DENND5A: variants seen among roughly 807,000 people sequenced by gnomAD.
DENND5A encodes DENN domain-containing protein 5A.
DENND5A carries 64 observed loss-of-function variants against 140.3 expected under a neutral mutation model. The ratio of observed to expected loss-of-function variants is 0.46; its 90% CI spans 0.37 to 0.56. The LOEUF (loss-of-function observed/expected upper bound fraction) is 0.56, where lower values mean the gene tolerates loss of function less well. DENND5A is among the 20% of genes least tolerant of loss of function. The pLI is 0.00. For missense variants in DENND5A, 1,292 were observed against 1,593.8 expected (o/e 0.81, Z 3.22); for synonymous variants, 605 against 607.7 (o/e 1.00, Z 0.07).
At chr11:9,231,998 CA>C (rs1850792478) in intron 1 of DENND5A, among the ~76,000 whole-genome samples, 1 of 151,822 alleles carries the variant, frequency 6.6e-6, no homozygotes, top group Non-Finnish European at 1.5e-5. Context: ...GTTTCTCTTT[CA>C]CTTGCAGAAT....
chr11:9,260,469 C>A (rs1259704949), intron 1 of DENND5A, among the ~76,000 whole-genome samples: 1 of 152,134 alleles, frequency 6.6e-6, no homozygotes, highest in Non-Finnish European at 1.5e-5. Flanking sequence ...CTATCATCTG[C>A]CTCCCCACTT....
chr11:9,177,710 T>C (rs1303981855), intron 8 of DENND5A, among the ~76,000 whole-genome samples: 36 of 102,054 alleles, frequency 3.5e-4, no homozygotes, highest in Admixed American at 3.1e-3. Context: ...GAGGCTTTCA[T>C]TGACATCATT....
intron 1 of DENND5A, among the ~76,000 whole-genome samples, chr11:9,253,501 GTCTATAA>G (rs1228913144): frequency 3.9e-5 from 6 of 152,112 alleles, no homozygotes; most frequent in African/African-American, 1.4e-4. Flanking sequence ...GGTGGTTCAT[GTCTATAA>G]TCCCAGCACT....
rs780752471 is a variant in DENND5A, at chr11:9,170,805, C to CAT, written c.1907-29_1907-28insAT. The stretch of plus-strand genomic sequence containing the variant: ...GGATGAGAATACACACACACACACA[C>CAT]ACACACACACACATAAATACACACA... On this transcript the variant is annotated intron_variant, in intron 8 of 22. Coordinates refer to ENST00000328194, the MANE Select transcript of DENND5A (RefSeq NM_015213.4). The CAT allele has an allele frequency of 1.9e-6, 3 of 1,611,228 alleles. No individual in the cohort carries two copies. The African/African-American group carries it at 4.0e-5, about 22-fold the overall frequency.
At chr11:9,185,776 G>A (rs1358482615) in intron 5 of DENND5A, among the ~76,000 whole-genome samples, 1 of 152,078 alleles carries the variant, frequency 6.6e-6, no homozygotes, top group Non-Finnish European at 1.5e-5. Flanking sequence ...GCGTCTGTGT[G>A]TGTGGCTGTG....
At chr11:9,224,688 G>T (rs1406449273) in intron 1 of DENND5A, among the ~76,000 whole-genome samples, 1 of 151,692 alleles carries the variant, frequency 6.6e-6, no homozygotes. Flanking sequence ...GTGAAAACCC[G>T]TCTTTACTAA....
intron 1 of DENND5A, among the ~76,000 whole-genome samples, chr11:9,221,892 G>C (rs1302397293): frequency 1.3e-5 from 2 of 151,900 alleles, no homozygotes; most frequent in African/African-American, 4.8e-5. Flanking sequence ...CAAATAGCTG[G>C]AACTACAGGT....
At position 9,170,620 on chromosome 11, in the gene DENND5A, G is replaced by A. The variant is rs1433716916; in HGVS notation, c.2057+7C>T. On this transcript the variant is annotated splice_region_variant and intron_variant, in intron 9 of 22. Transcript: ENST00000328194. Reference sequence around the variant, plus strand: ...GTTGGATTAGTGAATCCCTGGGGTTGACTCACTTGTTGCTGGCTGGCCCAG... The same window carrying A: ...GTTGGATTAGTGAATCCCTGGGGTTAACTCACTTGTTGCTGGCTGGCCCAG... 1 of 1,613,808 alleles carries A rather than the reference G, an allele frequency of 6.2e-7. No individual in the cohort carries two copies. The highest frequency in any genetic ancestry group is 1.3e-5 in the African/African-American group (1 of 74,972).
At chr11:9,160,952 C>T (rs1395533407) in intron 11 of DENND5A, 87 bp from the exon 12 acceptor site, 2 of 1,325,554 alleles carry the variant, frequency 1.5e-6, no homozygotes, top group Non-Finnish European at 2.1e-6. Flanking sequence ...CTGCACAGTA[C>T]ATCTGTTGGG....
chr11:9,214,504 G>A (rs1288542182), intron 1 of DENND5A, among the ~76,000 whole-genome samples: 1 of 152,142 alleles, frequency 6.6e-6, no homozygotes, highest in African/African-American at 2.4e-5. Flanking sequence ...AGCTTTGGAA[G>A]CTATCACTCT....
chr11:9,144,448 T>C (rs1043834465), intron 18 of DENND5A, among the ~76,000 whole-genome samples, 170 bp from the exon 19 acceptor site: 1 of 152,320 alleles, frequency 6.6e-6, no homozygotes, highest in African/African-American at 2.4e-5. Context: ...CTGAGTGGCA[T>C]AGGTGGCCTG....
intron 1 of DENND5A, among the ~76,000 whole-genome samples, chr11:9,214,170 C>T (rs1849996112): frequency 6.6e-6 from 1 of 152,138 alleles, no homozygotes; most frequent in Non-Finnish European, 1.5e-5. Flanking sequence ...AATAGACTGC[C>T]CAATAGCATA....
chr11:9,233,398 C>CAAAAA (rs1001576602), intron 1 of DENND5A, among the ~76,000 whole-genome samples: 1 of 54,080 alleles, frequency 1.8e-5, no homozygotes, highest in Non-Finnish European at 4.0e-5. Context: ...GACTCTGTCT[C>CAAAAA]AAAAAAAAAA....
At position 9,169,891 on chromosome 11, in the gene DENND5A, T is replaced by C. The variant is rs753324749; in HGVS notation, c.2116A>G (p.Thr706Ala). The stretch of plus-strand genomic sequence containing the variant: ...TCATTATCTAAACGCAGGTGTTCTG[T>C]GTGCTGCTTCTGCCGATCTTTCCGC... ...WRRKDRQKQH[T>A]EHLRLDNDQR... Residue 706 changes from threonine to alanine, a missense_variant, in exon 10 of 23, where the codon ACA (threonine) becomes GCA (alanine). By Grantham distance (58) the Thr-to-Ala change is moderately conservative (BLOSUM62 0). Transcript: ENST00000328194. 1.9e-6 allele frequency: 3 copies of C among 1,613,856 alleles called. No homozygotes were observed. The highest frequency in any genetic ancestry group is 2.2e-5 in the South Asian group (2 of 91,076).
At chr11:9,210,708 T>G (rs950213746) in intron 1 of DENND5A, among the ~76,000 whole-genome samples, 14 of 152,264 alleles carry the variant, frequency 9.2e-5, no homozygotes, top group African/African-American at 3.4e-4. Context: ...TTGTTTAAAT[T>G]TTTTTGTAGA....
intron 1 of DENND5A, among the ~76,000 whole-genome samples, chr11:9,252,176 T>C (rs1278141000): frequency 7.5e-6 from 1 of 132,786 alleles, no homozygotes; most frequent in Non-Finnish European, 1.6e-5. Flanking sequence ...CACGCGCCTG[T>C]AGTCCCAGCT....
At position 9,165,854 on chromosome 11, in the gene DENND5A, C is replaced by T. The variant is rs1211957759; in HGVS notation, c.2265G>A (p.Leu755=). The change falls in exon 11 of 23, where the codon CTG becomes CTA. Residue 755 remains leucine (L), a synonymous_variant. Transcript: ENST00000328194. ...AGCTTACCTTATTGCGGCATTCCTT[C>T]AGCAGGCCCTCTACAAACTTCCAAT... ...QTNWKFVEGL[L]KECRNKTKRM... is the part of the protein sequence containing the mutation. The T allele has an allele frequency of 2.5e-6, 4 of 1,614,142 alleles. No individual in the cohort carries two copies. The highest frequency in any genetic ancestry group is 2.5e-6 in the Non-Finnish European group (3 of 1,179,980).
At position 9,139,562 on chromosome 11, in the gene DENND5A, G is replaced by A; in HGVS notation, c.*109C>T. 1.1e-6 allele frequency: 1 copy of A among 936,922 alleles called. No homozygotes were observed. Among genetic ancestry groups the A allele is most frequent in the Non-Finnish European group, 1.6e-6 (1 of 632,920 alleles). The allele number at this position is 936,922 out of a possible 1,614,324, so 58.0% of individuals were successfully genotyped here. A position where few individuals can be genotyped will look rare whatever the true frequency, so the allele number is the denominator to read the frequency against. On this transcript the variant is annotated 3_prime_UTR_variant, in exon 23 of 23. Coordinates refer to ENST00000328194, the MANE Select transcript of DENND5A (RefSeq NM_015213.4). ...CTCTAGTTTTCTTTTTACAGTGAGT[G>A]TACATTTTGTCTCCTACTCCTGCAC... is the stretch of plus-strand genomic sequence containing the variant.
intron 16 of DENND5A, chr11:9,146,826 C>T: frequency 1.8e-6 from 1 of 567,728 alleles, no homozygotes. Context: ...ACTGAGCTCT[C>T]CAGTTCAGAA....
Sources: gnomAD v4.1 joint callset for allele counts (sites outside exome capture counted in the v4.1 genomes callset) on GRCh38, gnomAD v4.1.1 for gene constraint, MANE v1.5 for transcripts, NCBI Gene and HGNC (gene_info 2026-07-23, HGNC 2026-07-21) for gene names.